The following TRPM3 variants were observed in gnomAD, a reference collection of about 807,000 sequenced individuals.
TRPM3 encodes transient receptor potential cation channel subfamily M member 3.
A neutral mutation model predicts 181.2 loss-of-function variants in TRPM3; 77 were observed. The observed-to-expected ratio is 0.42, with a 90% CI of 0.35 to 0.51. The LOEUF (loss-of-function observed/expected upper bound fraction) is 0.51, where lower values mean the gene tolerates loss of function less well. Ranked by LOEUF, TRPM3 falls within the 20% of genes least tolerant of loss-of-function variation. The pLI, the probability that TRPM3 is intolerant of heterozygous loss-of-function variation, is 0.01. For missense variants in TRPM3, 1,759 were observed against 2,196.7 expected, an observed-to-expected ratio of 0.80 and a Z score of 3.98; for synonymous variants, 745 against 796.4, an observed-to-expected ratio of 0.94 and a Z score of 1.09.
intron 6 of TRPM3, among the ~76,000 whole-genome samples, chr9:70,815,017 T>A (rs1212363947): frequency 6.6e-6 from 1 of 152,082 alleles, no homozygotes; most frequent in Non-Finnish European, 1.5e-5. Context: ...ACTCCCTGTA[T>A]TTTTTCTCCC....
chr9:71,441,815 T>C (rs1437795615), intron 1 of TRPM3, among the ~76,000 whole-genome samples: 2 of 152,068 alleles, frequency 1.3e-5, no homozygotes, highest in Non-Finnish European at 2.9e-5. Context: ...GTATTTTTAG[T>C]AGAGATGGGG....
At chr9:71,426,923 T>G (rs1411079434) in intron 1 of TRPM3, among the ~76,000 whole-genome samples, 2 of 152,234 alleles carry the variant, frequency 1.3e-5, no homozygotes, top group African/African-American at 4.8e-5. Flanking sequence ...TGCCATTTTA[T>G]GATTTCATCC....
chr9:71,393,502 CAG>C (rs771482816), intron 1 of TRPM3, among the ~76,000 whole-genome samples: 11 of 152,044 alleles, frequency 7.2e-5, no homozygotes, highest in East Asian at 1.9e-4. Context: ...GAATACCAAA[CAG>C]AAAGATGAAA....
chr9:71,263,707 T>C (rs1479399969), intron 1 of TRPM3, among the ~76,000 whole-genome samples: 1 of 152,014 alleles, frequency 6.6e-6, no homozygotes, highest in Non-Finnish European at 1.5e-5. Context: ...CATGAATATG[T>C]ACAAGGGCCT....
At chr9:70,767,881 C>T (rs1382623434) in intron 7 of TRPM3, among the ~76,000 whole-genome samples, 1 of 152,174 alleles carries the variant, frequency 6.6e-6, no homozygotes, top group Non-Finnish European at 1.5e-5. Context: ...GCAGAAACTA[C>T]AAGGCTTGTT....
intron 20 of TRPM3, among the ~76,000 whole-genome samples, chr9:70,601,842 C>T (rs774688263): frequency 3.9e-5 from 6 of 152,176 alleles, no homozygotes; most frequent in East Asian, 3.9e-4. Context: ...TCTCCCTGCT[C>T]GAGTCCTTCC....
rs534853280 is a variant in TRPM3 at position 71,249,777 on chromosome 9, T to C, written c.183+196876A>G. On this transcript the variant is annotated intron_variant, in intron 1 of 24. Transcript: ENST00000357533. ...CATGACTGGTATCATAGTGGGAATC[T>C]ACGAGATAGGAAAGAACTGCAGAAC... Among the ~76,000 whole-genome samples, 3 of 152,288 alleles carry C rather than the reference T, an allele frequency of 2.0e-5. No individual in the cohort carries two copies. The East Asian group carries it at 5.8e-4, about 29-fold the overall frequency.
chr9:71,121,624 G>A (rs1387326301), upstream of TRPM3: 9 of 1,207,664 alleles, frequency 7.5e-6, no homozygotes, highest in African/African-American at 1.6e-5. Context: ...TCCAGAATGC[G>A]CGCTCCCTCT....
intron 1 of TRPM3, among the ~76,000 whole-genome samples, chr9:71,319,865 C>T (rs1227482629): frequency 2.0e-5 from 3 of 152,100 alleles, no homozygotes; most frequent in Non-Finnish European, 4.4e-5. Flanking sequence ...AAAAATTACT[C>T]TGAGCCATTC....
intron 1 of TRPM3, among the ~76,000 whole-genome samples, chr9:71,431,104 A>G (rs999775876): frequency 4.6e-5 from 7 of 152,156 alleles, no homozygotes; most frequent in African/African-American, 1.7e-4. Flanking sequence ...AACCAAGGTA[A>G]TAACTTCCCC....
At chr9:71,050,721 A>G (rs1297219068) in intron 1 of TRPM3, among the ~76,000 whole-genome samples, 1 of 152,154 alleles carries the variant, frequency 6.6e-6, no homozygotes, top group East Asian at 1.9e-4. Context: ...TTTTCAGAGA[A>G]TTTTTACTCA....
intron 8 of TRPM3, among the ~76,000 whole-genome samples, chr9:70,760,404 G>A (rs573332716): frequency 1.3e-5 from 2 of 148,392 alleles, no homozygotes; most frequent in South Asian, 4.6e-4. Context: ...ATGAGCTAAC[G>A]ACATCCGAGA....
intron 1 of TRPM3, among the ~76,000 whole-genome samples, chr9:71,190,229 C>G (rs1565321062): frequency 2.0e-5 from 3 of 151,834 alleles, no homozygotes; most frequent in Admixed American, 6.6e-5. Flanking sequence ...ACTGTTATCC[C>G]CATTTGAGTT....
chr9:70,883,687 T>C (rs2096036426), intron 1 of TRPM3, among the ~76,000 whole-genome samples: 1 of 152,170 alleles, frequency 6.6e-6, no homozygotes, highest in Non-Finnish European at 1.5e-5. Flanking sequence ...TACCAGAAAA[T>C]TTATTTCTTC....
At chr9:70,978,580 C>T (rs952668225) in intron 1 of TRPM3, among the ~76,000 whole-genome samples, 1 of 152,144 alleles carries the variant, frequency 6.6e-6, no homozygotes, top group East Asian at 1.9e-4. Context: ...AAGTTATTTC[C>T]GATGCTTTCA....
chr9:70,922,256 A>G (rs2096665222), intron 1 of TRPM3, among the ~76,000 whole-genome samples: 1 of 152,082 alleles, frequency 6.6e-6, no homozygotes. Flanking sequence ...TTCTTGGCCA[A>G]AGAGATTGAA....
chr9:70,951,035 ACT>A (rs1167598381), intron 1 of TRPM3, among the ~76,000 whole-genome samples: 5 of 152,100 alleles, frequency 3.3e-5, no homozygotes, highest in African/African-American at 1.2e-4. Context: ...AACACAAGTA[ACT>A]CTAAATCTGC....
intron 1 of TRPM3, among the ~76,000 whole-genome samples, chr9:71,422,227 C>G (rs1192410218): frequency 6.6e-6 from 1 of 151,876 alleles, no homozygotes; most frequent in East Asian, 1.9e-4. Context: ...TGAGTACCAA[C>G]TTATGAAGAA....
chr9:70,699,169 G>A (rs1324962040), intron 8 of TRPM3, among the ~76,000 whole-genome samples: 1 of 152,144 alleles, frequency 6.6e-6, no homozygotes, highest in Non-Finnish European at 1.5e-5. Flanking sequence ...GGGAGAAATA[G>A]AGATTCAAAT....
Sources: allele counts gnomAD v4.1 joint callset (sites outside exome capture counted in the v4.1 genomes callset), GRCh38; gene constraint gnomAD v4.1.1; transcripts MANE v1.5; gene names NCBI Gene and HGNC (gene_info 2026-07-23, HGNC 2026-07-21).